The following FEZF1 variants were observed in gnomAD, a reference collection of about 807,000 sequenced individuals.
FEZF1 encodes fez family zinc finger protein 1.
Under a neutral mutation model 32.4 loss-of-function variants are expected in FEZF1, and 8 were observed. That is an observed-to-expected ratio of 0.25 (90% confidence interval 0.15 to 0.45). The LOEUF is 0.45. Among genes scored for constraint, FEZF1 ranks in the 20% least tolerant of loss-of-function variants. The probability of loss-of-function intolerance (pLI) is 1.00; values close to 1 mark genes in which losing one functional copy is unlikely to be tolerated. For synonymous variants in FEZF1, 259 were observed against 265.2 expected, an observed-to-expected ratio of 0.98 and a Z score of 0.23; for missense variants, 546 against 622.3, an observed-to-expected ratio of 0.88 and a Z score of 1.31.
In FEZF1 at chr7:122,304,446, C is replaced by T. The variant is rs780729640; in HGVS notation, c.-9G>A. 7.2e-6 allele frequency: 11 copies of T among 1,533,756 alleles called. No homozygotes were observed. Among genetic ancestry groups the T allele is most frequent in the Non-Finnish European group, 9.7e-6 (11 of 1,134,468 alleles). Reference sequence around the variant, plus strand: ...TGGCAGCTACTGTCCATGTCTGAGTCGCCAGCGTCCGTCAGCCGGGGCTGG... The same window carrying T: ...TGGCAGCTACTGTCCATGTCTGAGTTGCCAGCGTCCGTCAGCCGGGGCTGG... On this transcript the variant is annotated 5_prime_UTR_variant, in exon 1 of 4. Coordinates refer to ENST00000442488, the MANE Select transcript of FEZF1 (RefSeq NM_001024613.4).
In FEZF1 at chr7:122,304,397, G is replaced by C. The variant is rs1292875492; in HGVS notation, c.41C>G (p.Ala14Gly). The C allele has an allele frequency of 6.3e-7, 1 of 1,583,746 alleles. No homozygotes were observed. The highest frequency in any genetic ancestry group is 2.3e-5 in the East Asian group (1 of 44,292). The change falls in exon 1 of 4, where the codon GCG becomes GGG. Residue 14 changes from alanine to glycine, a missense_variant. Physicochemically the swap from Ala to Gly is moderately conservative, Grantham distance 60 (BLOSUM62 0). Around this residue, in one of 3 missense-constraint regions of FEZF1, gnomAD observed 345 missense variants for 360.6 expected, o/e 0.96. Transcript: ENST00000442488. ...SCHNATTKML[A>G]TAPARGNMMS... ...CATGTTGCCCCGAGCTGGAGCAGTCGCTAACATTTTGGTAGTCGCGTTGTG... is the reference window on the plus strand; with the variant it reads ...CATGTTGCCCCGAGCTGGAGCAGTCCCTAACATTTTGGTAGTCGCGTTGTG...
upstream of FEZF1, among the ~76,000 whole-genome samples, chr7:122,308,232 C>T (rs925481436): frequency 2.6e-5 from 4 of 151,996 alleles, no homozygotes; most frequent in Non-Finnish European, 5.9e-5. Context: ...GTATTTATAA[C>T]CTCAAATCCT....
In FEZF1 at chr7:122,304,204, C is replaced by A; in HGVS notation, c.234G>T (p.Val78=). 1 of 1,595,932 alleles carries A rather than the reference C, an allele frequency of 6.3e-7. No individual in the cohort carries two copies. Among genetic ancestry groups the A allele is most frequent in the South Asian group, 1.1e-5 (1 of 88,658 alleles). Reference sequence around the variant, plus strand: ...TGGGGCTCGTGTCGTAGGCCACAGGCACGAAGGGGATCATGCAGGGGATCG... The same window carrying A: ...TGGGGCTCGTGTCGTAGGCCACAGGAACGAAGGGGATCATGCAGGGGATCG... ...NSSIPCMIPF[V]PVAYDTSPKA... Residue 78 remains valine (V), a synonymous_variant, in exon 1 of 4, where the codon GTG becomes GTT. Coordinates refer to ENST00000442488, the MANE Select transcript of FEZF1 (RefSeq NM_001024613.4).
In FEZF1 at chr7:122,301,741, A is replaced by C. The variant is rs2031039742; in HGVS notation, c.*256T>G. The C allele has an allele frequency of 7.3e-6, 3 of 413,216 alleles. No individual in the cohort carries two copies. Among genetic ancestry groups the C allele is most frequent in the Non-Finnish European group, 1.3e-5 (3 of 238,412 alleles). 25.6% of individuals were successfully genotyped at this position (413,216 alleles called of 1,614,324 possible). On this transcript the variant is annotated 3_prime_UTR_variant, in exon 4 of 4. Coordinates refer to ENST00000442488, the MANE Select transcript of FEZF1 (RefSeq NM_001024613.4). ...TCTTTCCAAATTAAAAAAAAAGAAA[A>C]AGAAAAACAGAAAACAAGCAAAACC...
chr7:122,305,770 C>G (rs1403325470), upstream of FEZF1: 1 of 152,330 alleles, frequency 6.6e-6, no homozygotes, highest in Non-Finnish European at 1.5e-5. Context: ...CAGGCGGCAG[C>G]CTGGATGTCT....
chr7:122,310,349 C>T (rs2031389192), exon 1 of FEZF1: 1 of 152,182 alleles, frequency 6.6e-6, no homozygotes, highest in South Asian at 2.1e-4. Context: ...AGAGGAGCCC[C>T]GCCTCATTCA....
At chr7:122,305,136 A>ATAT (rs2031235984), upstream of FEZF1, 1 of 151,350 alleles carries the variant, frequency 6.6e-6, no homozygotes, top group East Asian at 2.0e-4. Context: ...TATTTATCAA[A>ATAT]CGCCAAGCTC....
At chr7:122,309,051 C>G (rs948429095), upstream of FEZF1, among the ~76,000 whole-genome samples, 1 of 152,066 alleles carries the variant, frequency 6.6e-6, no homozygotes, top group Admixed American at 6.6e-5. Flanking sequence ...GGCAGGGTGA[C>G]GGGATGGGAC....
In FEZF1 at chr7:122,302,033, C is replaced by A; in HGVS notation, c.1392G>T (p.Gly464=). 1.9e-6 allele frequency: 3 copies of A among 1,600,456 alleles called. No individual in the cohort carries two copies. Among genetic ancestry groups the A allele is most frequent in the Non-Finnish European group, 2.5e-6 (3 of 1,178,276 alleles). The change falls in exon 4 of 4, where the codon GGG becomes GGT. Residue 464 remains glycine, a synonymous_variant. Coordinates refer to ENST00000442488, the MANE Select transcript of FEZF1 (RefSeq NM_001024613.4). This position sits in a 1 kb window ranked among gnomAD's most constrained non-coding sequence, Gnocchi z 4.4. Reference sequence around the variant, plus strand: ...CCTGGTGGAGCCCGGGCTGCAGGGGCCCCGGGGTTGGCAGCGGCGGCTGCA... The same window carrying A: ...CCTGGTGGAGCCCGGGCTGCAGGGGACCCGGGGTTGGCAGCGGCGGCTGCA... The part of the protein sequence containing the change: ...PPLQPPLPTP[G]PLQPGLHQGH...
At chr7:122,310,292 C>G (rs1234002483) in exon 1 of FEZF1, 1 of 24,834 alleles carries the variant, frequency 4.0e-5, no homozygotes, top group Admixed American at 3.7e-4. Flanking sequence ...GCGCCCCCTG[C>G]CCCCGGCTGC....
rs779633991 is a variant in FEZF1, at chr7:122,301,990, G to T, written c.*7C>A. 4.4e-6 allele frequency: 7 copies of T among 1,582,336 alleles called. No homozygotes were observed. The South Asian group carries it at 4.5e-5, about 10-fold the overall frequency. On this transcript the variant is annotated 3_prime_UTR_variant, in exon 4 of 4. Transcript: ENST00000442488. ...ACGGCTGAGGCTGGGAGGACCCTTAGCCTCGATCACTGGTGGCCCTGGTGG... is the reference window on the plus strand; with the variant it reads ...ACGGCTGAGGCTGGGAGGACCCTTATCCTCGATCACTGGTGGCCCTGGTGG...
rs780783637 is a variant in FEZF1, at chr7:122,303,841, G to T, written c.597C>A (p.Ala199=). 1.2e-6 allele frequency: 2 copies of T among 1,614,172 alleles called. No homozygotes were observed. The highest frequency in any genetic ancestry group is 2.2e-5 in the South Asian group (2 of 91,086). ...PLHPQPKTYL[A]ERNKLVVPAV... ...CCGGGACCACCAGTTTATTCCTTTC[G>T]GCTAAATACGTTTTTGGCTGCGGGT... Residue 199 remains alanine, a synonymous_variant, in exon 1 of 4, where the codon GCC becomes GCA. Transcript: ENST00000442488.
upstream of FEZF1, chr7:122,304,792 T>TC: frequency 3.9e-5 from 2 of 51,492 alleles, no homozygotes; most frequent in South Asian, 8.1e-4. Flanking sequence ...ACAGGAAAAC[T>TC]TTTTTTTTTT....
At position 122,302,437 on chromosome 7, in the gene FEZF1, G is replaced by A. The variant is rs1017347000; in HGVS notation, c.1070-82C>T. The A allele has an allele frequency of 8.9e-6, 14 of 1,569,208 alleles. No individual in the cohort carries two copies. Among genetic ancestry groups the A allele is most frequent in the Non-Finnish European group, 1.2e-5 (14 of 1,163,362 alleles). On this transcript the variant is annotated intron_variant, in intron 3 of 3. Coordinates refer to ENST00000442488, the MANE Select transcript of FEZF1 (RefSeq NM_001024613.4). This position sits in a 1 kb window ranked among gnomAD's most constrained non-coding sequence, Gnocchi z 4.4. ...GAGGAGCAGACACGTGGAAGGTAGC[G>A]CCAGGCAAGCAGAAGAGCCGCCACA...
rs1584958701 is a variant in FEZF1, at chr7:122,302,389, A to G, written c.1070-34T>C. The G allele has an allele frequency of 1.4e-6, 2 of 1,397,486 alleles. No homozygotes were observed. Among genetic ancestry groups the G allele is most frequent in the East Asian group, 2.4e-5 (1 of 41,108 alleles). 86.6% of individuals were successfully genotyped at this position (1,397,486 alleles called of 1,614,324 possible). On this transcript the variant is annotated intron_variant, in intron 3 of 3. Coordinates refer to ENST00000442488, the MANE Select transcript of FEZF1 (RefSeq NM_001024613.4). This position sits in a 1 kb window ranked among gnomAD's most constrained non-coding sequence, Gnocchi z 4.4. ...CACAAATGACAGGAATATGGTTCTG[A>G]AAAAAAAAATAGCTTAAAAAGGGAG...
In FEZF1 at chr7:122,301,995, G is replaced by C; in HGVS notation, c.*2C>G. The C allele has an allele frequency of 6.3e-7, 1 of 1,583,776 alleles. No individual in the cohort carries two copies. The highest frequency in any genetic ancestry group is 1.4e-5 in the African/African-American group (1 of 74,054). On this transcript the variant is annotated 3_prime_UTR_variant, in exon 4 of 4. Coordinates refer to ENST00000442488, the MANE Select transcript of FEZF1 (RefSeq NM_001024613.4). ...TGAGGCTGGGAGGACCCTTAGCCTC[G>C]ATCACTGGTGGCCCTGGTGGAGCCC...
chr7:122,304,548 GCCT>G lies in FEZF1; in HGVS notation c.-114_-112del, dbSNP rs1025876205. ...GGGACGGGCACCATCACCACCAGTA[GCCT>G]CCTCCTCCTCCTCCTCCCCAGCATC... On this transcript the variant is annotated 5_prime_UTR_variant, in exon 1 of 4. Transcript: ENST00000442488. 606 of 844,178 alleles carry G rather than the reference GCCT, an allele frequency of 7.2e-4. 1 individual carries two copies. The highest frequency in any genetic ancestry group is 1.1e-3 in the South Asian group (45 of 40,194). 52.3% of individuals were successfully genotyped at this position (844,178 alleles called of 1,614,324 possible).
At position 122,302,737 on chromosome 7, in the gene FEZF1, GA is replaced by G; in HGVS notation, c.1069+61del. 1 of 1,565,110 alleles carries G rather than the reference GA, an allele frequency of 6.4e-7. No individual in the cohort carries two copies. Among genetic ancestry groups the G allele is most frequent in the Non-Finnish European group, 8.8e-7 (1 of 1,140,990 alleles). ...TAAACATCGTCTTCTAAAACATCCCGAAAGTATTAAGTATGGCTTTTCATAA... is the reference window on the plus strand; with the variant it reads ...TAAACATCGTCTTCTAAAACATCCCGAAGTATTAAGTATGGCTTTTCATAA... On this transcript the variant is annotated intron_variant, in intron 3 of 3. Coordinates refer to ENST00000442488, the MANE Select transcript of FEZF1 (RefSeq NM_001024613.4). The surrounding 1 kb of genome is among the most constrained non-coding windows in gnomAD (Gnocchi z 4.4).
chr7:122,307,111 C>A (rs2031304933), upstream of FEZF1: 1 of 152,208 alleles, frequency 6.6e-6, no homozygotes, highest in African/African-American at 2.4e-5. Context: ...ATTTTCTTTC[C>A]TTTTGCTGTT....
Sources: allele counts gnomAD v4.1 joint callset (sites outside exome capture counted in the v4.1 genomes callset), GRCh38; gene constraint gnomAD v4.1.1; regional missense constraint gnomAD v4.1.1; non-coding constraint Gnocchi (gnomAD v3.1); transcripts MANE v1.5; gene names NCBI Gene and HGNC (gene_info 2026-07-23, HGNC 2026-07-21).